The following METTL16 variants were observed in gnomAD, a reference collection of about 807,000 sequenced individuals.
METTL16 encodes the protein methyltransferase 16, RNA N6-adenosine.
Under a neutral mutation model 57.9 loss-of-function variants are expected in METTL16, and 19 were observed. That is an observed-to-expected ratio of 0.33 (90% CI 0.23 to 0.48). The LOEUF is 0.48. METTL16 is among the 20% of genes least tolerant of loss of function. The pLI is 0.99. For missense variants in METTL16, 434 were observed against 691.5 expected, an observed-to-expected ratio of 0.63 and a Z score of 4.18; for synonymous variants, 246 against 255.6, an observed-to-expected ratio of 0.96 and a Z score of 0.36.
rs777119853 is a variant in METTL16, at chr17:2,420,764, C to G, written c.1029G>C (p.Thr343=). The G allele has an allele frequency of 6.2e-7, 1 of 1,613,910 alleles. No individual in the cohort carries two copies. The highest frequency in any genetic ancestry group is 2.2e-5 in the East Asian group (1 of 44,886). The change falls in exon 9 of 10, where the codon ACG becomes ACC. Residue 343 remains threonine (T), a synonymous_variant. Coordinates refer to ENST00000263092, the MANE Select transcript of METTL16 (RefSeq NM_024086.4). This position sits in a 1 kb window ranked among gnomAD's most constrained non-coding sequence, Gnocchi z 5.4. ...CAGTGAGAATTTTTTCAATCCATGT[C>G]GTGACAACGACTATGCCTTCCGCCG... ...SETAEGIVVV[T]TWIEKILTDL...
At chr17:2,509,502 C>T (rs1373219520) in intron 1 of METTL16, among the ~76,000 whole-genome samples, 1 of 152,110 alleles carries the variant, frequency 6.6e-6, no homozygotes, top group Non-Finnish European at 1.5e-5. Context: ...AGCTTGAGCC[C>T]AGGAGTTCCA....
chr17:2,449,713 T>C (rs778724491), intron 6 of METTL16, among the ~76,000 whole-genome samples: 1 of 152,142 alleles, frequency 6.6e-6, no homozygotes, highest in Non-Finnish European at 1.5e-5. Flanking sequence ...CACTAAAGGT[T>C]TGGTCTTTTT....
At chr17:2,472,215 C>A (rs555205279) in intron 4 of METTL16, among the ~76,000 whole-genome samples, 1 of 151,818 alleles carries the variant, frequency 6.6e-6, no homozygotes, top group Non-Finnish European at 1.5e-5. Flanking sequence ...TGAATATCAG[C>A]AAAATGCAAA....
intron 6 of METTL16, among the ~76,000 whole-genome samples, chr17:2,451,112 C>T (rs9906632): frequency 0.25 from 38,227 of 152,022 alleles, 7,710 homozygotes; most frequent in African/African-American, 0.56. Flanking sequence ...ACTTTAGAAA[C>T]AGTGGGCATC....
chr17:2,443,693 G>A (rs1264721091), intron 6 of METTL16, among the ~76,000 whole-genome samples: 1 of 151,888 alleles, frequency 6.6e-6, no homozygotes, highest in Non-Finnish European at 1.5e-5. Context: ...TAGAAACGGG[G>A]TTTCACCATG....
chr17:2,449,886 G>A (rs1401893572), intron 6 of METTL16, among the ~76,000 whole-genome samples: 6 of 152,060 alleles, frequency 3.9e-5, no homozygotes, highest in Non-Finnish European at 5.9e-5. Flanking sequence ...AAGCACATGC[G>A]GATACTCCCT....
intron 7 of METTL16, among the ~76,000 whole-genome samples, chr17:2,440,999 AGAAGAAGAAG>A (rs2066946950): frequency 6.7e-6 from 1 of 149,596 alleles, no homozygotes; most frequent in Non-Finnish European, 1.5e-5. Context: ...AAAAAAAAGA[AGAAGAAGAAG>A]AAGAAAAGAA....
intron 6 of METTL16, among the ~76,000 whole-genome samples, chr17:2,444,194 G>A (rs763331086): frequency 2.0e-5 from 3 of 152,070 alleles, no homozygotes; most frequent in Non-Finnish European, 4.4e-5. Flanking sequence ...GGCCGGGCAC[G>A]GTGGCTCACA....
intron 8 of METTL16, among the ~76,000 whole-genome samples, chr17:2,426,122 T>C (rs2066816494): frequency 6.6e-6 from 1 of 151,664 alleles, no homozygotes; most frequent in Non-Finnish European, 1.5e-5. Flanking sequence ...CAGAGAAATC[T>C]GGTGCGCACG....
At chr17:2,450,764 T>C (rs1272042698) in intron 6 of METTL16, among the ~76,000 whole-genome samples, 1 of 152,186 alleles carries the variant, frequency 6.6e-6, no homozygotes, top group Admixed American at 6.6e-5. Context: ...AAAATTCACC[T>C]AATCGCATTA....
intron 6 of METTL16, among the ~76,000 whole-genome samples, chr17:2,442,653 C>T (rs1299782206): frequency 1.3e-5 from 2 of 152,032 alleles, no homozygotes; most frequent in African/African-American, 2.4e-5. Flanking sequence ...AAAGAGGGGA[C>T]GTCCCACAGA....
chr17:2,419,323 T>A lies in METTL16; in HGVS notation c.*647A>T. ...TGTGTGCCTCAGTCACACCGGGGAG[T>A]TTTGCTTACCTAATTCTGCTTCTGA... On this transcript the variant is annotated 3_prime_UTR_variant, in exon 10 of 10. Transcript: ENST00000263092. 4.6e-6 allele frequency: 1 copy of A among 215,448 alleles called. No homozygotes were observed. The allele number at this position is 215,448 out of a possible 1,614,324, so 13.3% of individuals were successfully genotyped here. A position where few individuals can be genotyped will look rare whatever the true frequency, so the allele number is the denominator to read the frequency against.
At chr17:2,506,478 G>A (rs539350991) in intron 1 of METTL16, among the ~76,000 whole-genome samples, 1 of 151,420 alleles carries the variant, frequency 6.6e-6, no homozygotes, top group African/African-American at 2.4e-5. Flanking sequence ...GGTGGAGACG[G>A]GGTTTCGCTG....
In METTL16 at chr17:2,482,937, C is replaced by T. The variant is rs188851660; in HGVS notation, c.129-5052G>A. On this transcript the variant is annotated intron_variant, in intron 2 of 9. Coordinates refer to ENST00000263092, the MANE Select transcript of METTL16 (RefSeq NM_024086.4). ...AAAATAATAATAATAATAATATTAA[C>T]ACTAGAAGAATGAAGATAAATAATA... 1.7e-3 allele frequency among the ~76,000 whole-genome samples: 250 copies of T among 150,824 alleles called. 2 individuals are homozygous for T. Among genetic ancestry groups the T allele is most frequent in the African/African-American group, 5.7e-3 (234 of 41,108 alleles).
rs548950826 is a variant in METTL16, at chr17:2,449,637, A to T, written c.729-8078T>A. 7.2e-5 allele frequency among the ~76,000 whole-genome samples: 11 copies of T among 152,360 alleles called. No homozygotes were observed. In the South Asian group the frequency reaches 2.3e-3, roughly 32 times the overall value. ...TGGTACTGGCATAAGATAGACACAG[A>T]TTAACAGAATGGAACAGAGTCCAGA... is the stretch of plus-strand genomic sequence containing the variant. On this transcript the variant is annotated intron_variant, in intron 6 of 9. Coordinates refer to ENST00000263092, the MANE Select transcript of METTL16 (RefSeq NM_024086.4).
chr17:2,460,998 T>C (rs1392808086), intron 6 of METTL16, among the ~76,000 whole-genome samples: 1 of 152,220 alleles, frequency 6.6e-6, no homozygotes, highest in Non-Finnish European at 1.5e-5. Context: ...TCTCAGACTT[T>C]TCTCAATGCT....
At chr17:2,510,059 A>C (rs74429561) in intron 1 of METTL16, among the ~76,000 whole-genome samples, 9,659 of 151,944 alleles carry the variant, frequency 0.064, 967 homozygotes, top group African/African-American at 0.22. Context: ...CCTTGGTGAC[A>C]GTGAAACTGT....
chr17:2,429,155 G>A (rs1001803580), intron 8 of METTL16, among the ~76,000 whole-genome samples: 1 of 149,166 alleles, frequency 6.7e-6, no homozygotes, highest in African/African-American at 2.5e-5. Flanking sequence ...ACCGTGCCCA[G>A]CCAACTCATT....
intron 1 of METTL16, among the ~76,000 whole-genome samples, chr17:2,507,233 C>A (rs2067548403): frequency 6.7e-6 from 1 of 148,726 alleles, no homozygotes; most frequent in Non-Finnish European, 1.5e-5. Context: ...CCAGCCGCCC[C>A]GACCGGGAGG....
Sources: allele counts gnomAD v4.1 joint callset (sites outside exome capture counted in the v4.1 genomes callset), GRCh38; gene constraint gnomAD v4.1.1; non-coding constraint Gnocchi (gnomAD v3.1); transcripts MANE v1.5; gene names NCBI Gene and HGNC (gene_info 2026-07-23, HGNC 2026-07-21).